The following FBRSL1 variants were observed in gnomAD, a reference collection of about 807,000 sequenced individuals.
FBRSL1 encodes the protein fibrosin like 1, also known as fibrosin-1-like protein.
FBRSL1 carries 51 observed loss-of-function variants against 89.6 expected under a neutral mutation model. The observed-to-expected ratio is 0.57, with a 90% CI of 0.45 to 0.72. FBRSL1 has a LOEUF of 0.72. Ranked by LOEUF, FBRSL1 falls within the 30% of genes least tolerant of loss-of-function variation. FBRSL1 has a pLI of 0.00. For missense variants in FBRSL1, 1,618 were observed against 1,451.8 expected (o/e 1.11, Z -1.86); for synonymous variants, 779 against 681.1 (o/e 1.14, Z -2.24).
At chr12:132,578,367 A>ACACACACACACACACACACACACACAC (rs1566244737) in intron 15 of FBRSL1, among the ~76,000 whole-genome samples, 8 of 151,756 alleles carry the variant, frequency 5.3e-5, no homozygotes, top group Non-Finnish European at 8.8e-5. Flanking sequence ...ACACACACAC[A>ACACACACACACACACACACACACACAC]AAATCATAGA....
intron 4 of FBRSL1, among the ~76,000 whole-genome samples, chr12:132,544,835 G>A (rs2037550276): frequency 6.6e-6 from 1 of 151,916 alleles, no homozygotes; most frequent in Admixed American, 6.6e-5. Context: ...ATGGTGGTGA[G>A]GATGATGGTG....
At chr12:132,581,922 CCT>C in intron 17 of FBRSL1, 98 bp downstream of exon 17, 1 of 1,333,986 alleles carries the variant, frequency 7.5e-7, no homozygotes, top group Non-Finnish European at 1.0e-6. Flanking sequence ...TGACCTCCCT[CCT>C]CTCTGGGCTG....
In FBRSL1 at chr12:132,583,241, C is replaced by T; in HGVS notation, c.2472C>T (p.Ser824=). 1 of 1,364,622 alleles carries T rather than the reference C, an allele frequency of 7.3e-7. No individual in the cohort carries two copies. The allele number at this position is 1,364,622 out of a possible 1,614,324, so 84.5% of individuals were successfully genotyped here. ...AGGAGCGCGGGGAGGACGAGGCCTC[C>T]GAGCCCCCGGCGGGCGGCCTGCACC... is the stretch of plus-strand genomic sequence containing the variant. ...VKEERGEDEA[S]EPPAGGLHPA... is the part of the protein sequence containing the mutation. Residue 824 remains serine, a synonymous_variant, in exon 19 of 19, where the codon TCC becomes TCT. Coordinates refer to ENST00000680143, the MANE Select transcript of FBRSL1 (RefSeq NM_001367871.1).
chr12:132,513,069 G>A (rs2034516808), intron 2 of FBRSL1, among the ~76,000 whole-genome samples: 2 of 152,260 alleles, frequency 1.3e-5, no homozygotes, highest in Non-Finnish European at 2.9e-5. Flanking sequence ...CCTGGGAAAT[G>A]CAGATTTCGT....
At chr12:132,572,188 GCCGTCCTGTCA>G in intron 9 of FBRSL1, 89 bp from the exon 10 acceptor site, 1 of 1,104,498 alleles carries the variant, frequency 9.1e-7, no homozygotes, top group Non-Finnish European at 1.3e-6. Flanking sequence ...GAAGCACAAC[GCCGTCCTGTCA>G]CTGCCCAGCC....
At chr12:132,560,008 C>T (rs368811993) in intron 5 of FBRSL1, 1 of 148,686 alleles carries the variant, frequency 6.7e-6, no homozygotes, top group East Asian at 1.9e-4. Context: ...CCGCGCCCGA[C>T]GTCCGCCCGG....
At chr12:132,526,971 G>A (rs2035837817) in intron 3 of FBRSL1, among the ~76,000 whole-genome samples, 1 of 152,132 alleles carries the variant, frequency 6.6e-6, no homozygotes, top group African/African-American at 2.4e-5. Context: ...CAAGGGTGTG[G>A]GGGACCTCAG....
intron 18 of FBRSL1, 134 bp downstream of exon 18, chr12:132,582,400 C>T (rs2040830072): frequency 1.6e-6 from 1 of 631,430 alleles, no homozygotes; most frequent in Non-Finnish European, 2.8e-6. Flanking sequence ...CCCCCTCCCC[C>T]TGTTCCCCTT....
At chr12:132,542,070 C>T (rs2037312940) in intron 4 of FBRSL1, among the ~76,000 whole-genome samples, 1 of 152,246 alleles carries the variant, frequency 6.6e-6, no homozygotes, top group African/African-American at 2.4e-5. Context: ...CTGAGGCACC[C>T]ACATGCCACG....
At position 132,583,628 on chromosome 12, in the gene FBRSL1, C is replaced by T; in HGVS notation, c.2859C>T (p.Leu953=). The change falls in exon 19 of 19, where the codon CTC becomes CTT. Residue 953 remains leucine (L), a synonymous_variant. Coordinates refer to ENST00000680143, the MANE Select transcript of FBRSL1 (RefSeq NM_001367871.1). ...LARTPPAAAA[L]GAPPPLVTAA... ...GGACCCCGCCCGCCGCCGCCGCCCT[C>T]GGCGCACCGCCCCCCCTGGTGACGG... is the stretch of plus-strand genomic sequence containing the variant. The T allele has an allele frequency of 3.0e-6, 3 of 996,242 alleles. No individual in the cohort carries two copies. The highest frequency in any genetic ancestry group is 3.6e-6 in the Non-Finnish European group (3 of 837,830). 61.7% of individuals were successfully genotyped at this position (996,242 alleles called of 1,614,324 possible). A position where few individuals can be genotyped will look rare whatever the true frequency, so the allele number is the denominator to read the frequency against.
In FBRSL1 at chr12:132,490,496, G is replaced by A; in HGVS notation, c.-75G>A. 1 of 945,080 alleles carries A rather than the reference G, an allele frequency of 1.1e-6. No individual in the cohort carries two copies. The highest frequency in any genetic ancestry group is 1.3e-6 in the Non-Finnish European group (1 of 796,998). 58.5% of individuals were successfully genotyped at this position (945,080 alleles called of 1,614,324 possible). A position where few individuals can be genotyped will look rare whatever the true frequency, so the allele number is the denominator to read the frequency against. On this transcript the variant is annotated 5_prime_UTR_variant, in exon 1 of 19. An upstream open reading frame in the 5' UTR loses its in-frame stop. Transcript: ENST00000680143. ...ACACTCAGCCCGGCGGCGCCGCGTA[G>A]CCGAGGGAGCCCGCCTGCTGCGAGC...
At chr12:132,518,606 C>T (rs2035063099) in intron 2 of FBRSL1, among the ~76,000 whole-genome samples, 1 of 151,504 alleles carries the variant, frequency 6.6e-6, no homozygotes. Context: ...GTCCATCCAT[C>T]CACCCGTCTA....
Position 132,499,695 on chromosome 12 carries a change from G to A in FBRSL1, c.292-8458G>A, listed in dbSNP as rs1290423820. On this transcript the variant is annotated intron_variant, in intron 1 of 18. Coordinates refer to ENST00000680143, the MANE Select transcript of FBRSL1 (RefSeq NM_001367871.1). The surrounding 1 kb of genome is among the most constrained non-coding windows in gnomAD (Gnocchi z 4.3). ...TGGCAGGCAGGCTGGAGACAGCTGG[G>A]GGCTGTGGCTGGGGGGCTGCAGGGC... 6.6e-6 allele frequency among the ~76,000 whole-genome samples: 1 copy of A among 151,946 alleles called. No individual in the cohort carries two copies. The highest frequency in any genetic ancestry group is 1.5e-5 in the Non-Finnish European group (1 of 67,964).
chr12:132,574,828 G>A lies in FBRSL1; in HGVS notation c.1701+264G>A, dbSNP rs74828074. 7.6e-3 allele frequency among the ~76,000 whole-genome samples: 1,161 copies of A among 152,252 alleles called. 16 individuals carry two copies. Among genetic ancestry groups the A allele is most frequent in the African/African-American group, 0.026 (1,098 of 41,552 alleles). On this transcript the variant is annotated intron_variant, in intron 14 of 18. Transcript: ENST00000680143. ...CGGCTGGGCCACGGGGAGCAGAGCAGGGGCACGGGGTGCCGCACCAGCTCC... is the reference window on the plus strand; with the variant it reads ...CGGCTGGGCCACGGGGAGCAGAGCAAGGGCACGGGGTGCCGCACCAGCTCC...
chr12:132,542,337 C>A (rs1224295922), intron 4 of FBRSL1, among the ~76,000 whole-genome samples: 2 of 152,256 alleles, frequency 1.3e-5, no homozygotes, highest in Non-Finnish European at 2.9e-5. Context: ...GTGTTCCCAG[C>A]AGCTCGGCCT....
At chr12:132,564,831 G>T (rs143029521) in intron 5 of FBRSL1, among the ~76,000 whole-genome samples, 31 of 148,154 alleles carry the variant, frequency 2.1e-4, no homozygotes, top group African/African-American at 8.1e-4. Flanking sequence ...GGGTTTCACC[G>T]TGTTGGCCAG....
intron 5 of FBRSL1, chr12:132,552,770 C>A (rs1330643461): frequency 6.6e-6 from 1 of 152,108 alleles, no homozygotes. Context: ...GACAGAAGGA[C>A]GGATGGACGG....
chr12:132,579,347 T>C (rs965606672), intron 15 of FBRSL1, among the ~76,000 whole-genome samples: 1 of 152,254 alleles, frequency 6.6e-6, no homozygotes, highest in Non-Finnish European at 1.5e-5. Context: ...TCCCTGATCA[T>C]GGTGTATCTC....
At chr12:132,497,553 C>T (rs1250575844) in intron 1 of FBRSL1, among the ~76,000 whole-genome samples, 1 of 152,118 alleles carries the variant, frequency 6.6e-6, no homozygotes, top group Non-Finnish European at 1.5e-5. Context: ...CCAGATGGCA[C>T]CAGGACCCCC....
Sources: gnomAD v4.1 joint callset for allele counts (sites outside exome capture counted in the v4.1 genomes callset) on GRCh38, gnomAD v4.1.1 for gene constraint, Gnocchi (gnomAD v3.1) non-coding constraint, MANE v1.5 for transcripts, NCBI Gene and HGNC (gene_info 2026-07-23, HGNC 2026-07-21) for gene names.